Variants in PCDH10 observed in about 807,000 individuals in gnomAD.
The protein encoded by PCDH10 is protocadherin 10, also known as protocadherin-10.
Under a neutral mutation model 74.4 loss-of-function variants are expected in PCDH10, and 15 were observed. The observed-to-expected ratio is 0.20, with a 90% CI of 0.13 to 0.31. The LOEUF (loss-of-function observed/expected upper bound fraction) is 0.31, where lower values mean the gene tolerates loss of function less well. PCDH10 is among the 10% of genes least tolerant of loss of function. The pLI, the probability that PCDH10 is intolerant of heterozygous loss-of-function variation, is 1.00. For missense variants in PCDH10, 1,260 were observed against 1,390.2 expected (o/e 0.91, Z 1.49); for synonymous variants, 619 against 589.8 (o/e 1.05, Z -0.72).
chr4:133,176,200 T>C (rs1727292404), intron 4 of PCDH10, among the ~76,000 whole-genome samples: 1 of 152,110 alleles, frequency 6.6e-6, no homozygotes, highest in South Asian at 2.1e-4. Context: ...TGAGTGACCT[T>C]TGTACATGTT....
At chr4:133,188,773 A>C (rs923451649) in intron 4 of PCDH10, among the ~76,000 whole-genome samples, 1 of 143,742 alleles carries the variant, frequency 7.0e-6, no homozygotes, top group African/African-American at 2.6e-5. Flanking sequence ...TCCTGGGTTC[A>C]AGCAATTCTT....
chr4:133,152,962 C>T, intron 1 of PCDH10, 191 bp downstream of exon 1: 1 of 1,450,146 alleles, frequency 6.9e-7, no homozygotes, highest in Non-Finnish European at 9.1e-7. Flanking sequence ...CGCGTTGTTC[C>T]ACCCTTTCAC....
chr4:133,165,807 C>A (rs1727068098), intron 4 of PCDH10, among the ~76,000 whole-genome samples: 1 of 151,602 alleles, frequency 6.6e-6, no homozygotes, highest in Non-Finnish European at 1.5e-5. Context: ...CAAAAGAGAT[C>A]AATGTCAGTA....
chr4:133,202,280 G>A (rs1027388806), intron 2 of PCDH10, among the ~76,000 whole-genome samples: 1 of 152,114 alleles, frequency 6.6e-6, no homozygotes, highest in Admixed American at 6.5e-5. Context: ...CTATACCTAT[G>A]GCAATACCAG....
intron 4 of PCDH10, among the ~76,000 whole-genome samples, chr4:133,187,926 T>C (rs1727575515): frequency 6.6e-6 from 1 of 152,128 alleles, no homozygotes; most frequent in East Asian, 1.9e-4. Context: ...TCTAAACATA[T>C]GCTATGTTGA....
downstream of PCDH10, among the ~76,000 whole-genome samples, chr4:133,196,403 G>A (rs1254544287): frequency 1.3e-5 from 2 of 152,070 alleles, no homozygotes; most frequent in South Asian, 4.1e-4. Context: ...CCTGGCTGGG[G>A]GCCACAAGAC....
Position 133,150,158 on chromosome 4 carries a change from G to T in PCDH10, c.18G>T (p.Leu6Phe), listed in dbSNP as rs1407981421. Residue 6 changes from leucine to phenylalanine, a missense_variant, in exon 1 of 5, where the codon TTG (leucine) becomes TTT (phenylalanine). By Grantham distance (22) the Leu-to-Phe change is conservative. This residue lies in a region of PCDH10 where 103 missense variants were observed against 91.5 expected (regional missense o/e 1.13). Coordinates refer to ENST00000264360, the MANE Select transcript of PCDH10 (RefSeq NM_032961.3). MIVLL[L>F]FALLWMVEGV... is the part of the protein sequence containing the mutation. ...TTTTGGAGATGATTGTGCTATTATT[G>T]TTTGCCTTGCTCTGGATGGTGGAAG... 1.3e-6 allele frequency: 2 copies of T among 1,553,322 alleles called. No homozygotes were observed. Among genetic ancestry groups the T allele is most frequent in the Admixed American group, 2.0e-5 (1 of 50,764 alleles).
chr4:133,152,026 T>G lies in PCDH10; in HGVS notation c.1886T>G (p.Phe629Cys). 6.2e-7 allele frequency: 1 copy of G among 1,612,566 alleles called. No homozygotes were observed. Among genetic ancestry groups the G allele is most frequent in the Non-Finnish European group, 8.5e-7 (1 of 1,179,720 alleles). The change falls in exon 1 of 5, where the codon TTT becomes TGT. Residue 629 changes from phenylalanine to cysteine, a missense_variant. By Grantham distance (205) the Phe-to-Cys change is radical. Transcript: ENST00000264360. ...SIVRGNEMNL[F>C]RMDWRTGELR... ...GTGCGTGGCAACGAAATGAACCTCT[T>G]TCGCATGGACTGGCGCACCGGGGAG...
chr4:133,153,334 T>C, intron 1 of PCDH10: 1 of 869,698 alleles, frequency 1.1e-6, no homozygotes, highest in Non-Finnish European at 1.4e-6. Flanking sequence ...AAAAAAGCCT[T>C]CAGTTCGGCT....
chr4:133,196,126 G>T (rs1448891697), downstream of PCDH10, among the ~76,000 whole-genome samples: 1 of 152,132 alleles, frequency 6.6e-6, no homozygotes, highest in African/African-American at 2.4e-5. Context: ...TGCCTAACAG[G>T]TTCACCTTGC....
Position 133,151,680 on chromosome 4 carries a change from A to C in PCDH10, c.1540A>C (p.Thr514Pro), listed in dbSNP as rs1189234711. ...ECQIQGMSVF[T>P]YVSINSENGY... ...CCAGATCCAGGGCATGAGCGTCTTC[A>C]CCTACGTTTCTATCAACTCTGAGAA... is the stretch of plus-strand genomic sequence containing the variant. Residue 514 changes from threonine (T) to proline (P), a missense_variant, in exon 1 of 5, where the codon ACC becomes CCC. Physicochemically the swap from Thr to Pro is conservative, Grantham distance 38 (BLOSUM62 -1). Transcript: ENST00000264360. The C allele has an allele frequency of 6.2e-7, 1 of 1,613,548 alleles. No individual in the cohort carries two copies. The highest frequency in any genetic ancestry group is 1.1e-5 in the South Asian group (1 of 91,082).
At position 133,190,465 on chromosome 4, in the gene PCDH10, T is replaced by A; in HGVS notation, c.*305T>A. On this transcript the variant is annotated 3_prime_UTR_variant, in exon 5 of 5. Transcript: ENST00000264360. ...TCCAAATGTCACTGAGCCCTTTAGA[T>A]GTTTATATTCACCACGAGAAGCCAG... 1 of 344,504 alleles carries A rather than the reference T, an allele frequency of 2.9e-6. No homozygotes were observed. 21.3% of individuals were successfully genotyped at this position (344,504 alleles called of 1,614,324 possible).
chr4:133,203,600 G>A (rs547024686), intron 2 of PCDH10, among the ~76,000 whole-genome samples: 3 of 152,328 alleles, frequency 2.0e-5, no homozygotes, highest in African/African-American at 7.2e-5. Context: ...TCATGACCCA[G>A]AGGTCATTCT....
chr4:133,163,954 T>C (rs775849168), intron 4 of PCDH10: 2 of 449,784 alleles, frequency 4.4e-6, no homozygotes, highest in Non-Finnish European at 8.9e-6. Flanking sequence ...ATTGAATGCA[T>C]TGAGGTTGTG....
At chr4:133,203,169 G>A (rs1560719917) in intron 2 of PCDH10, among the ~76,000 whole-genome samples, 1 of 152,038 alleles carries the variant, frequency 6.6e-6, no homozygotes, top group Non-Finnish European at 1.5e-5. Context: ...TATGGTGTAG[G>A]GCCAAGGAGA....
chr4:133,151,841 A>G lies in PCDH10; in HGVS notation c.1701A>G (p.Gln567=), dbSNP rs1445348046. The G allele has an allele frequency of 6.2e-7, 1 of 1,613,068 alleles. No individual in the cohort carries two copies. Residue 567 remains glutamine (Q), a synonymous_variant, in exon 1 of 5, where the codon CAA becomes CAG. Coordinates refer to ENST00000264360, the MANE Select transcript of PCDH10 (RefSeq NM_032961.3). ...CTGTCAACATCCTCATAGTGGATCA[A>G]AATGACAACGCCCCTGCCATCGTGG... ...NATVNILIVD[Q]NDNAPAIVAP...
At chr4:133,197,434 G>T (rs1727818058), downstream of PCDH10, among the ~76,000 whole-genome samples, 1 of 152,178 alleles carries the variant, frequency 6.6e-6, no homozygotes, top group Non-Finnish European at 1.5e-5. Flanking sequence ...TTCCCTAGAG[G>T]TGTCCTCCTC....
intron 4 of PCDH10, among the ~76,000 whole-genome samples, chr4:133,170,662 A>C (rs1158866882): frequency 6.7e-6 from 1 of 149,076 alleles, no homozygotes; most frequent in African/African-American, 2.6e-5. Flanking sequence ...AAACAGATAC[A>C]TGATTCAATT....
At chr4:133,160,563 A>G (rs890107140) in intron 3 of PCDH10, among the ~76,000 whole-genome samples, 2 of 151,070 alleles carry the variant, frequency 1.3e-5, no homozygotes, top group African/African-American at 4.9e-5. Context: ...AAATAGGCAC[A>G]TTGGAGTAAA....
Sources: gnomAD v4.1 joint callset for allele counts (sites outside exome capture counted in the v4.1 genomes callset) on GRCh38, gnomAD v4.1.1 for gene constraint, gnomAD v4.1.1 regional missense constraint, MANE v1.5 for transcripts, NCBI Gene and HGNC (gene_info 2026-07-23, HGNC 2026-07-21) for gene names.